CDKL3: variants seen among roughly 807,000 people sequenced by gnomAD.
CDKL3 encodes cyclin-dependent kinase-like 3.
A neutral mutation model predicts 69.3 loss-of-function variants in CDKL3; 65 were observed. That is an observed-to-expected ratio of 0.94 (90% CI 0.77 to 1.15). The LOEUF (loss-of-function observed/expected upper bound fraction) is 1.15. Among genes scored for constraint, CDKL3 ranks in the 50% most tolerant of loss-of-function variants. The pLI, the probability that CDKL3 is intolerant of heterozygous loss-of-function variation, is 0.00. For missense variants in CDKL3, 652 were observed against 689.2 expected (o/e 0.95, Z 0.61); for synonymous variants, 202 against 221.6 (o/e 0.91, Z 0.79).
chr5:134,296,088 G>A (rs1472334016), downstream of CDKL3, among the ~76,000 whole-genome samples: 10 of 151,700 alleles, frequency 6.6e-5, no homozygotes, highest in African/African-American at 1.7e-4. Flanking sequence ...TAGTAGAGAC[G>A]GGGTTTCACC....
chr5:134,344,508 A>G (rs1751323213), intron 4 of CDKL3, among the ~76,000 whole-genome samples: 1 of 152,230 alleles, frequency 6.6e-6, no homozygotes, highest in African/African-American at 2.4e-5. Flanking sequence ...TCCAAGGACA[A>G]TATACAAATG....
At chr5:134,309,592 C>A (rs1768837321) in intron 7 of CDKL3, among the ~76,000 whole-genome samples, 1 of 152,040 alleles carries the variant, frequency 6.6e-6, no homozygotes, top group South Asian at 2.1e-4. Flanking sequence ...TCCTTCCCAC[C>A]CCTTCCCTGA....
upstream of CDKL3, chr5:134,371,616 G>A (rs776983331): frequency 6.2e-6 from 10 of 1,613,256 alleles, no homozygotes; most frequent in Non-Finnish European, 6.8e-6. Flanking sequence ...CGGCCCGGAG[G>A]AGGCTCATGC....
chr5:134,340,778 T>G (rs1750289057), intron 4 of CDKL3, among the ~76,000 whole-genome samples: 7 of 152,184 alleles, frequency 4.6e-5, no homozygotes, highest in Admixed American at 4.6e-4. Context: ...CTGAATTCTA[T>G]CATTTAAAGA....
At chr5:134,334,191 C>A (rs1478051199) in intron 4 of CDKL3, among the ~76,000 whole-genome samples, 2 of 151,866 alleles carry the variant, frequency 1.3e-5, no homozygotes, top group Non-Finnish European at 2.9e-5. Context: ...CTATTTGATT[C>A]TTCTCTCTTC....
intron 11 of CDKL3, 103 bp downstream of exon 11, chr5:134,304,302 T>G (rs1484287026): frequency 5.6e-6 from 5 of 896,962 alleles, no homozygotes; most frequent in Non-Finnish European, 8.1e-6. Flanking sequence ...CTCACCAATT[T>G]ACTATTTTCT....
intron 8 of CDKL3, among the ~76,000 whole-genome samples, chr5:134,292,282 A>G (rs1765154070): frequency 6.6e-6 from 1 of 152,200 alleles, no homozygotes; most frequent in Admixed American, 6.5e-5. Context: ...TTCTCTGACC[A>G]CATTGAAATT....
intron 3 of CDKL3, among the ~76,000 whole-genome samples, chr5:134,353,791 C>G (rs551465768): frequency 6.6e-6 from 1 of 152,138 alleles, no homozygotes. Flanking sequence ...ATCTCTTGAC[C>G]TTGTGATCCG....
intron 10 of CDKL3, among the ~76,000 whole-genome samples, chr5:134,306,018 T>A (rs1767733198): frequency 6.6e-6 from 1 of 152,210 alleles, no homozygotes; most frequent in East Asian, 1.9e-4. Flanking sequence ...CTTGTGACTT[T>A]CAAAGGTGGA....
rs527559542 is a variant in CDKL3 at position 134,344,749 on chromosome 5, C to A, written c.539+5500G>T. Among the ~76,000 whole-genome samples, 84 of 152,172 alleles carry A rather than the reference C, an allele frequency of 5.5e-4. No individual in the cohort carries two copies. The South Asian group carries it at 6.9e-3, about 12-fold the overall frequency. Reference sequence around the variant, plus strand: ...AATCAGCCTAGTCAAAATAGCGAGACCCTGTCTCTACAAAATAAAAAAGCC... The same window carrying A: ...AATCAGCCTAGTCAAAATAGCGAGAACCTGTCTCTACAAAATAAAAAAGCC... On this transcript the variant is annotated intron_variant, in intron 4 of 12. Coordinates refer to ENST00000265334, the MANE Select transcript of CDKL3 (RefSeq NM_001113575.2).
chr5:134,333,516 G>GC (rs1776307686), intron 4 of CDKL3, among the ~76,000 whole-genome samples: 1 of 152,144 alleles, frequency 6.6e-6, no homozygotes, highest in African/African-American at 2.4e-5. Flanking sequence ...AGAGTTTTTA[G>GC]CAAGAAATGC....
At chr5:134,317,969 C>T (rs1009967219) in intron 6 of CDKL3, among the ~76,000 whole-genome samples, 1 of 151,956 alleles carries the variant, frequency 6.6e-6, no homozygotes, top group African/African-American at 2.4e-5. Context: ...CCTGTAATCC[C>T]AGCACTTTGG....
At chr5:134,305,574 C>A (rs573690136) in intron 10 of CDKL3, among the ~76,000 whole-genome samples, 11 of 152,264 alleles carry the variant, frequency 7.2e-5, no homozygotes, top group African/African-American at 2.4e-4. Context: ...TATTGCACAT[C>A]CAGCATCTGG....
At chr5:134,345,715 G>C (rs1202927118) in intron 4 of CDKL3, among the ~76,000 whole-genome samples, 1 of 152,188 alleles carries the variant, frequency 6.6e-6, no homozygotes, top group Non-Finnish European at 1.5e-5. Context: ...CCAGGAGAAG[G>C]AATTTCACAA....
At chr5:134,333,399 T>A (rs1272811681) in intron 4 of CDKL3, among the ~76,000 whole-genome samples, 1 of 152,232 alleles carries the variant, frequency 6.6e-6, no homozygotes, top group Non-Finnish European at 1.5e-5. Context: ...GTGCCAGTTT[T>A]CAAAGGGAAT....
intron 6 of CDKL3, among the ~76,000 whole-genome samples, chr5:134,317,190 C>CA (rs1229012340): frequency 2.6e-5 from 4 of 152,082 alleles, no homozygotes. Context: ...GGCTGGAGTG[C>CA]AGTGGTGCGA....
intron 2 of CDKL3, among the ~76,000 whole-genome samples, chr5:134,361,344 C>T (rs1162359717): frequency 1.3e-5 from 2 of 151,908 alleles, no homozygotes; most frequent in African/African-American, 4.8e-5. Context: ...CCTTGGCCTC[C>T]CAAGTTGCTA....
In CDKL3 at chr5:134,306,475, C is replaced by A. The variant is rs117590960; in HGVS notation, c.1458+134G>T. 1,937 of 604,734 alleles carry A rather than the reference C, an allele frequency of 3.2e-3. 60 individuals are homozygous for A. In the East Asian group the frequency reaches 0.055, roughly 17 times the overall value. 37.5% of individuals were successfully genotyped at this position (604,734 alleles called of 1,614,324 possible). The stretch of plus-strand genomic sequence containing the variant: ...TCGTACCACTGCACTCCAGTCTGGG[C>A]AACAGAGAGAGATCCTCTCTCAAAA... On this transcript the variant is annotated intron_variant, in intron 10 of 12. Coordinates refer to ENST00000265334, the MANE Select transcript of CDKL3 (RefSeq NM_001113575.2).
upstream of CDKL3, among the ~76,000 whole-genome samples, chr5:134,370,365 T>C (rs1442042819): frequency 6.6e-6 from 1 of 152,200 alleles, no homozygotes; most frequent in Non-Finnish European, 1.5e-5. Context: ...GGGGGGCCCT[T>C]CTGGCCCATT....
Sources: gnomAD v4.1 joint callset for allele counts (sites outside exome capture counted in the v4.1 genomes callset) on GRCh38, gnomAD v4.1.1 for gene constraint, MANE v1.5 for transcripts, NCBI Gene and HGNC (gene_info 2026-07-23, HGNC 2026-07-21) for gene names.